Variants in SLC18A1 observed in about 807,000 individuals in gnomAD.
SLC18A1 encodes the protein solute carrier family 18 member A1, also known as chromaffin granule amine transporter.
A neutral mutation model predicts 53.7 loss-of-function variants in SLC18A1; 69 were observed. That is an observed-to-expected ratio of 1.28 (90% CI 1.06 to 1.57). The LOEUF is 1.57. Among genes scored for constraint, SLC18A1 ranks in the 40% most tolerant of loss-of-function variants. The pLI, the probability that SLC18A1 is intolerant of heterozygous loss-of-function variation, is 0.00. For missense variants in SLC18A1, 932 were observed against 668.1 expected (o/e 1.40, Z -4.35); for synonymous variants, 320 against 248.1 (o/e 1.29, Z -2.72).
intron 11 of SLC18A1, 105 bp downstream of exon 11, chr8:20,150,561 C>G: frequency 1.9e-6 from 2 of 1,035,206 alleles, no homozygotes; most frequent in Non-Finnish European, 1.5e-6. Context: ...TGTACTCATC[C>G]TAAACTTTCA....
At chr8:20,182,025 T>C (rs1235506187) in intron 1 of SLC18A1, 3 of 152,244 alleles carry the variant, frequency 2.0e-5, no homozygotes, top group African/African-American at 7.2e-5. Context: ...CAGCATTAAG[T>C]CACAGTACCT....
chr8:20,171,642 T>G (rs2072119927), intron 6 of SLC18A1, 148 bp from the exon 7 acceptor site: 1 of 655,378 alleles, frequency 1.5e-6, no homozygotes, highest in Non-Finnish European at 2.8e-6. Flanking sequence ...GATGGAGACA[T>G]GATCCCTGTC....
At chr8:20,154,448 T>C (rs574539109) in intron 10 of SLC18A1, among the ~76,000 whole-genome samples, 106 of 152,240 alleles carry the variant, frequency 7.0e-4, no homozygotes, top group African/African-American at 2.4e-3. Context: ...AAACAAGGGT[T>C]CGGTGGTGTA....
rs1273522574 is a variant in SLC18A1 at position 20,145,783 on chromosome 8, C to G, written c.1558G>C (p.Glu520Gln). The change falls in exon 16 of 16, where the codon GAG becomes CAG. Residue 520 changes from glutamate to glutamine, a missense_variant. Physicochemically the swap from Glu to Gln is conservative, Grantham distance 29 (BLOSUM62 2). Transcript: ENST00000276373. ...TGCTGCTACTCCTCATGGTCAGGCT[C>G]CTCATCACTGTCCTCCCCCAGAGGA... Reference protein sequence around the residue: ...EFPLGEDSDEEPDHEE With the variant: ...EFPLGEDSDEQPDHEE 6.2e-7 allele frequency: 1 copy of G among 1,610,446 alleles called. No individual in the cohort carries two copies. The highest frequency in any genetic ancestry group is 1.1e-5 in the South Asian group (1 of 90,204).
rs571557979 is a variant in SLC18A1 at position 20,173,082 on chromosome 8, T to C, written c.678A>G (p.Gly226=). The stretch of plus-strand genomic sequence containing the variant: ...CCCCCAGAGCAGTTCCCATGGCTCG[T>C]CCTCTCTCATGGTCATCAGTGTAGA... ...ASVYTDDHER[G]RAMGTALGGL... The change falls in exon 6 of 16, where the codon GGA becomes GGG. Residue 226 remains glycine (G), a synonymous_variant. Coordinates refer to ENST00000276373, the MANE Select transcript of SLC18A1 (RefSeq NM_003053.4). The C allele has an allele frequency of 2.2e-4, 343 of 1,583,700 alleles. 6 individuals are homozygous for C. The South Asian group carries it at 3.4e-3, about 16-fold the overall frequency.
At chr8:20,178,764 T>C (rs1472306737) in intron 3 of SLC18A1, among the ~76,000 whole-genome samples, 1 of 152,110 alleles carries the variant, frequency 6.6e-6, no homozygotes, top group African/African-American at 2.4e-5. Flanking sequence ...AATATCAGAA[T>C]AATCGTCAAT....
chr8:20,164,370 A>C (rs1313602698), intron 10 of SLC18A1, among the ~76,000 whole-genome samples: 1 of 152,174 alleles, frequency 6.6e-6, no homozygotes, highest in Non-Finnish European at 1.5e-5. Flanking sequence ...ACCAAAGGGT[A>C]GTCTTGAGGA....
intron 1 of SLC18A1, among the ~76,000 whole-genome samples, chr8:20,182,211 C>T (rs1335642812): frequency 1.3e-5 from 2 of 151,984 alleles, no homozygotes; most frequent in Admixed American, 6.6e-5. Context: ...TACAAGGAAC[C>T]CATCCTACAA....
At chr8:20,163,622 C>T (rs962789969) in intron 10 of SLC18A1, among the ~76,000 whole-genome samples, 2 of 152,158 alleles carry the variant, frequency 1.3e-5, no homozygotes, top group African/African-American at 4.8e-5. Context: ...TAGGTGTGAT[C>T]ACTGACCAGC....
chr8:20,169,312 G>T (rs960228391), intron 8 of SLC18A1, among the ~76,000 whole-genome samples: 5 of 152,100 alleles, frequency 3.3e-5, no homozygotes, highest in African/African-American at 1.2e-4. Context: ...CACAGTCATG[G>T]ACTGGGCTTT....
chr8:20,148,402 T>C, intron 12 of SLC18A1: 1 of 1,225,840 alleles, frequency 8.2e-7, no homozygotes, highest in Non-Finnish European at 1.1e-6. Flanking sequence ...CCCCTTCCTC[T>C]ACCCCTCTTC....
chr8:20,147,173 A>G (rs2071421473), intron 15 of SLC18A1, 85 bp downstream of exon 15: 1 of 1,450,242 alleles, frequency 6.9e-7, no homozygotes, highest in Non-Finnish European at 9.3e-7. Flanking sequence ...GAGGGAGGAA[A>G]TAACAGCCCA....
In SLC18A1 at chr8:20,164,917, G is replaced by C. The variant is rs375980427; in HGVS notation, c.967C>G (p.Leu323Val). The change falls in exon 10 of 16, where the codon CTG becomes GTG. Residue 323 changes from leucine (L) to valine (V), a missense_variant. By Grantham distance (32) the Leu-to-Val change is conservative (BLOSUM62 1). Coordinates refer to ENST00000276373, the MANE Select transcript of SLC18A1 (RefSeq NM_003053.4). ...NMGVAILEPT[L>V]PIWMMQTMCS... ...ATGGTCTGCATCATCCAGATGGGCA[G>C]TGTGGGCTCCAGGATGGCCACCCCC... is the stretch of plus-strand genomic sequence containing the variant. The C allele has an allele frequency of 3.1e-6, 5 of 1,613,944 alleles. No homozygotes were observed. The highest frequency in any genetic ancestry group is 8.5e-7 in the Non-Finnish European group (1 of 1,179,836).
intron 10 of SLC18A1, among the ~76,000 whole-genome samples, chr8:20,157,015 G>A (rs1352830965): frequency 1.3e-5 from 2 of 152,152 alleles, no homozygotes; most frequent in Non-Finnish European, 2.9e-5. Flanking sequence ...TTGTGGTCAA[G>A]AAAGGCGGGA....
chr8:20,181,503 T>C (rs1175938642), intron 1 of SLC18A1, among the ~76,000 whole-genome samples: 1 of 152,106 alleles, frequency 6.6e-6, no homozygotes, highest in African/African-American at 2.4e-5. Context: ...TCTCAGTTAC[T>C]TGGGAGGCTG....
rs17215787 is a variant in SLC18A1 at position 20,147,273 on chromosome 8, T to C, written c.1449A>G (p.Ala483=). 1,923 of 1,605,162 alleles carry C rather than the reference T, an allele frequency of 1.2e-3. 16 individuals carry two copies. The African/African-American group carries it at 0.023, about 19-fold the overall frequency. Residue 483 remains alanine, a synonymous_variant, in exon 15 of 16, where the codon GCA becomes GCG. Transcript: ENST00000276373. ...TGCTCCTTACAAGCTTCTCTTCCTT[T>C]GCCGGGGGGCTCCGCAGGTAGTAGC... ...PLCYYLRSPP[A]KEEKLAILSQ...
At chr8:20,161,060 A>C (rs1009729740) in intron 10 of SLC18A1, among the ~76,000 whole-genome samples, 5 of 152,198 alleles carry the variant, frequency 3.3e-5, no homozygotes, top group African/African-American at 1.2e-4. Flanking sequence ...TTTGGAGGAC[A>C]TAGCATTCTA....
intron 8 of SLC18A1, among the ~76,000 whole-genome samples, chr8:20,165,373 C>T (rs2071931285): frequency 6.6e-6 from 1 of 152,044 alleles, no homozygotes; most frequent in Non-Finnish European, 1.5e-5. Flanking sequence ...ATGGTTCCTG[C>T]GTTCACGTGA....
chr8:20,149,793 C>T, intron 11 of SLC18A1, 66 bp from the exon 12 acceptor site: 9 of 1,479,288 alleles, frequency 6.1e-6, no homozygotes, highest in Non-Finnish European at 8.5e-6. Context: ...TACCCCATCA[C>T]CGCCATGCTG....
Sources: allele counts gnomAD v4.1 joint callset (sites outside exome capture counted in the v4.1 genomes callset), GRCh38; gene constraint gnomAD v4.1.1; transcripts MANE v1.5; gene names NCBI Gene and HGNC (gene_info 2026-07-23, HGNC 2026-07-21).